The following PTPRT variants were observed in gnomAD, a reference collection of about 807,000 sequenced individuals.
PTPRT encodes protein tyrosine phosphatase receptor type T, also known as receptor-type tyrosine-protein phosphatase T.
PTPRT carries 56 observed loss-of-function variants against 176.8 expected under a neutral mutation model. That is an observed-to-expected ratio of 0.32 (90% CI 0.26 to 0.40). The LOEUF (loss-of-function observed/expected upper bound fraction) is 0.40. Ranked by LOEUF, PTPRT falls within the 10% of genes least tolerant of loss-of-function variation. The pLI is 1.00. For missense variants in PTPRT, 1,540 were observed against 1,908.2 expected (o/e 0.81, Z 3.60); for synonymous variants, 783 against 739.0 (o/e 1.06, Z -0.96).
At chr20:42,273,081 CT>C (rs1180290053) in intron 13 of PTPRT, among the ~76,000 whole-genome samples, 1 of 152,164 alleles carries the variant, frequency 6.6e-6, no homozygotes, top group East Asian at 1.9e-4. Context: ...CCTTATTGGA[CT>C]TATATTTATT....
At chr20:42,443,096 G>A (rs1204005087) in intron 9 of PTPRT, among the ~76,000 whole-genome samples, 1 of 152,204 alleles carries the variant, frequency 6.6e-6, no homozygotes, top group Non-Finnish European at 1.5e-5. Context: ...TTAGACGTCA[G>A]GTGAGCAGGA....
chr20:43,118,439 T>C (rs2013136459), intron 1 of PTPRT, among the ~76,000 whole-genome samples: 1 of 152,098 alleles, frequency 6.6e-6, no homozygotes, highest in African/African-American at 2.4e-5. Flanking sequence ...GGAAAATATA[T>C]TCCCATTTTT....
chr20:42,738,292 A>T (rs1028266761), intron 6 of PTPRT, among the ~76,000 whole-genome samples: 5 of 152,102 alleles, frequency 3.3e-5, no homozygotes, highest in Non-Finnish European at 5.9e-5. Flanking sequence ...TGAGTGGATC[A>T]CTTAAGGGCA....
rs1249853034 is a variant in PTPRT at position 43,189,100 on chromosome 20, C to T, written c.88+546G>A. On this transcript the variant is annotated intron_variant, in intron 1 of 30. Coordinates refer to ENST00000373187, the MANE Select transcript of PTPRT (RefSeq NM_007050.6). The surrounding 1 kb of genome is among the most constrained non-coding windows in gnomAD (Gnocchi z 5.0). ...TCAACGCAAACATCCCCTCGGGTGC[C>T]TACAGCGGCCTGCTTAGGGGAGCAG... Among the ~76,000 whole-genome samples, 2 of 152,162 alleles carry T rather than the reference C, an allele frequency of 1.3e-5. No homozygotes were observed. Among genetic ancestry groups the T allele is most frequent in the Admixed American group, 6.5e-5 (1 of 15,284 alleles).
intron 6 of PTPRT, among the ~76,000 whole-genome samples, chr20:42,680,045 A>C (rs2075576594): frequency 1.3e-5 from 2 of 152,234 alleles, no homozygotes; most frequent in Non-Finnish European, 2.9e-5. Context: ...TTGTTTGAGA[A>C]TATTTCACTT....
intron 11 of PTPRT, among the ~76,000 whole-genome samples, chr20:42,343,366 G>A (rs1326186303): frequency 6.6e-6 from 1 of 152,140 alleles, no homozygotes; most frequent in Non-Finnish European, 1.5e-5. Context: ...AGTCATGCTG[G>A]ACAATGTCTT....
chr20:43,140,035 C>A (rs1282074745), intron 1 of PTPRT, among the ~76,000 whole-genome samples: 1 of 152,200 alleles, frequency 6.6e-6, no homozygotes, highest in Non-Finnish European at 1.5e-5. Context: ...TTTCTGACCA[C>A]AGGCCACCCA....
chr20:42,604,192 A>G (rs2073832945), intron 7 of PTPRT, among the ~76,000 whole-genome samples: 2 of 152,174 alleles, frequency 1.3e-5, no homozygotes, highest in African/African-American at 4.8e-5. Flanking sequence ...GCAATGTTCT[A>G]GTTAATATCT....
At chr20:42,814,955 G>A (rs1345916163) in intron 2 of PTPRT, among the ~76,000 whole-genome samples, 1 of 152,060 alleles carries the variant, frequency 6.6e-6, no homozygotes, top group Non-Finnish European at 1.5e-5. Context: ...GAACAAGCTA[G>A]ACCAAATGCT....
chr20:42,803,016 G>A (rs1339972918), intron 2 of PTPRT, among the ~76,000 whole-genome samples: 2 of 152,328 alleles, frequency 1.3e-5, no homozygotes, highest in East Asian at 3.9e-4. Context: ...GATCATCAGT[G>A]GCAGAAGCGG....
chr20:42,071,184 C>T (rs546888811), downstream of PTPRT, among the ~76,000 whole-genome samples: 5 of 152,266 alleles, frequency 3.3e-5, no homozygotes, highest in East Asian at 3.9e-4. Flanking sequence ...GTGAACCCTG[C>T]GCTCCACCCC....
intron 1 of PTPRT, among the ~76,000 whole-genome samples, chr20:42,897,311 G>T (rs1476771495): frequency 2.0e-5 from 3 of 152,164 alleles, no homozygotes; most frequent in African/African-American, 7.2e-5. Context: ...TGTTCATTTG[G>T]TTCTTTTTCT....
chr20:42,083,613 T>C (rs1350778885), intron 29 of PTPRT, among the ~76,000 whole-genome samples: 1 of 152,160 alleles, frequency 6.6e-6, no homozygotes, highest in East Asian at 1.9e-4. Flanking sequence ...CACCACCTGT[T>C]TGAGAGGGAG....
chr20:42,249,971 C>T (rs566863504), intron 13 of PTPRT, among the ~76,000 whole-genome samples: 1 of 152,184 alleles, frequency 6.6e-6, no homozygotes, highest in East Asian at 1.9e-4. Context: ...TCCAAACCAT[C>T]CTCTTCCTAA....
intron 1 of PTPRT, 117 bp from the exon 2 acceptor site, chr20:42,886,049 CCATA>C (rs528009273): frequency 1.2e-5 from 5 of 431,276 alleles, no homozygotes; most frequent in African/African-American, 9.0e-5. Context: ...AGAAGATTTT[CCATA>C]TATATATATA....
chr20:42,861,134 T>C (rs1231445061), intron 2 of PTPRT, among the ~76,000 whole-genome samples: 2 of 152,148 alleles, frequency 1.3e-5, no homozygotes, highest in Non-Finnish European at 2.9e-5. Flanking sequence ...GACCAGGGGG[T>C]GGCTGTGTTC....
chr20:43,026,878 T>A (rs192166373), intron 1 of PTPRT, among the ~76,000 whole-genome samples: 54 of 152,332 alleles, frequency 3.5e-4, no homozygotes, highest in Admixed American at 3.3e-3. Context: ...TCCAGTTCCA[T>A]CCATACTGTT....
chr20:42,535,021 G>A (rs765115867), intron 7 of PTPRT, among the ~76,000 whole-genome samples: 6 of 152,078 alleles, frequency 3.9e-5, no homozygotes, highest in African/African-American at 1.2e-4. Flanking sequence ...CCTATTATGC[G>A]GATAAGAAAC....
chr20:42,885,687 C>T (rs1358537340), intron 2 of PTPRT, 120 bp downstream of exon 2: 2 of 1,305,096 alleles, frequency 1.5e-6, no homozygotes, highest in African/African-American at 1.5e-5. Context: ...GAACTCACTA[C>T]CTACAGAGCT....
Sources: gnomAD v4.1 joint callset for allele counts (sites outside exome capture counted in the v4.1 genomes callset) on GRCh38, gnomAD v4.1.1 for gene constraint, Gnocchi (gnomAD v3.1) non-coding constraint, MANE v1.5 for transcripts, NCBI Gene and HGNC (gene_info 2026-07-23, HGNC 2026-07-21) for gene names.